ZNF18: variants seen among roughly 807,000 people sequenced by gnomAD.
The protein encoded by ZNF18 is zinc finger protein 18.
In ZNF18, 42 loss-of-function variants were observed where a neutral mutation model predicts 58.1. That is an observed-to-expected ratio of 0.72 (90% CI 0.56 to 0.93). The LOEUF is 0.93. ZNF18 is among the 40% of genes least tolerant of loss of function. ZNF18 has a pLI of 0.00. For synonymous variants in ZNF18, 231 were observed against 239.8 expected (o/e 0.96, Z 0.34); for missense variants, 540 against 644.2 (o/e 0.84, Z 1.75).
chr17:12,000,746 TC>T, upstream of ZNF18, among the ~76,000 whole-genome samples: 1 of 152,096 alleles, frequency 6.6e-6, no homozygotes, highest in South Asian at 2.1e-4. Context: ...GAAAGAATCA[TC>T]AACTAATCAA....
At chr17:11,998,172 C>A (rs1044709046), upstream of ZNF18, among the ~76,000 whole-genome samples, 1 of 152,200 alleles carries the variant, frequency 6.6e-6, no homozygotes, top group Non-Finnish European at 1.5e-5. Flanking sequence ...AGACACCTCA[C>A]CCTCTCTCCC....
chr17:11,979,691 T>A (rs1567597864), intron 6 of ZNF18, among the ~76,000 whole-genome samples: 2 of 152,194 alleles, frequency 1.3e-5, no homozygotes, highest in Non-Finnish European at 2.9e-5. Flanking sequence ...ATTAGTGTCT[T>A]TTCAATTGTC....
At chr17:11,980,632 T>C (rs1208790507) in intron 6 of ZNF18, among the ~76,000 whole-genome samples, 3 of 152,094 alleles carry the variant, frequency 2.0e-5, no homozygotes, top group Non-Finnish European at 2.9e-5. Context: ...TTAGCCAGGC[T>C]GGTCTCGAAC....
Position 11,992,517 on chromosome 17 carries a change from A to C in ZNF18, c.313T>G (p.Cys105Gly). ...ACTGCCTCTTCTCCACTTCCTGGAC[A>C]CTGTTTCCGCACCCACATCTGGATC... ...GEIQMWVRKQ[C>G]PGSGEEAVTL... The change falls in exon 2 of 7, where the codon TGT becomes GGT. Residue 105 changes from cysteine (C) to glycine (G), a missense_variant. By Grantham distance (159) the Cys-to-Gly change is radical. Coordinates refer to ENST00000580306, the MANE Select transcript of ZNF18 (RefSeq NM_001303281.2). The C allele has an allele frequency of 6.2e-7, 1 of 1,614,130 alleles. No homozygotes were observed. Among genetic ancestry groups the C allele is most frequent in the Non-Finnish European group, 8.5e-7 (1 of 1,180,018 alleles).
At chr17:11,982,532 G>C (rs536843877) in intron 6 of ZNF18, among the ~76,000 whole-genome samples, 3 of 152,238 alleles carry the variant, frequency 2.0e-5, no homozygotes, top group South Asian at 4.2e-4. Flanking sequence ...TGCTCTCTCT[G>C]TGGTATATTA....
chr17:12,014,513 G>C, the ZNF18 span, among the ~76,000 whole-genome samples: 1 of 152,162 alleles, frequency 6.6e-6, no homozygotes, highest in Non-Finnish European at 1.5e-5. Flanking sequence ...AAGCATTATG[G>C]TAAGTGAAAG....
At chr17:12,000,982 T>C (rs762274172), upstream of ZNF18, among the ~76,000 whole-genome samples, 3 of 152,012 alleles carry the variant, frequency 2.0e-5, no homozygotes, top group Non-Finnish European at 4.4e-5. Flanking sequence ...AATTAGGAGA[T>C]CTTACAGCAT....
chr17:11,999,377 T>A (rs1968619011), upstream of ZNF18, among the ~76,000 whole-genome samples: 1 of 152,232 alleles, frequency 6.6e-6, no homozygotes. Context: ...AACCTCAGTT[T>A]GAGAACTCTA....
In ZNF18 at chr17:11,984,150, A is replaced by T. The variant is rs147883752; in HGVS notation, c.714T>A (p.Asp238Glu). 7.4e-6 allele frequency: 12 copies of T among 1,612,908 alleles called. No individual in the cohort carries two copies. Among genetic ancestry groups the T allele is most frequent in the African/African-American group, 2.7e-5 (2 of 74,660 alleles). ...LDSTQKEQYWDLMLETYGKMV... is the reference protein window; with the variant it reads ...LDSTQKEQYWELMLETYGKMV... ...TTTTCCCATAGGTCTCCAGCATGAG[A>T]TCCCAGTATTGCTCCTTTTGAGTGG... Residue 238 changes from aspartate (D) to glutamate (E), a missense_variant, in exon 5 of 7, where the codon GAT (aspartate) becomes GAA (glutamate). Asp to Glu is a conservative substitution (Grantham distance 45, BLOSUM62 2). Coordinates refer to ENST00000580306, the MANE Select transcript of ZNF18 (RefSeq NM_001303281.2).
chr17:12,010,934 T>G, the ZNF18 span: 1 of 615,650 alleles, frequency 1.6e-6, no homozygotes. Flanking sequence ...CTTCACGTGC[T>G]TAACATGCCC....
At chr17:12,021,438 A>T in the ZNF18 span, 1 of 151,664 alleles carries the variant, frequency 6.6e-6, no homozygotes, top group Non-Finnish European at 1.5e-5. Flanking sequence ...GGCGGCGAAG[A>T]CAGCGGCCCC....
rs1567607201 is a variant in ZNF18, at chr17:11,992,433, C to T, written c.387+10G>A. 6.2e-7 allele frequency: 1 copy of T among 1,611,360 alleles called. No homozygotes were observed. The highest frequency in any genetic ancestry group is 1.1e-5 in the South Asian group (1 of 90,814). ...TGTTTCACTCGCAGATCATAATACC[C>T]TCTGCTTACCCATTGCCACAGTCTC... On this transcript the variant is annotated intron_variant, in intron 2 of 6. Transcript: ENST00000580306.
intron 1 of ZNF18, 90 bp downstream of exon 1, chr17:11,997,341 G>A (rs1357836061): frequency 1.3e-5 from 2 of 152,356 alleles, no homozygotes; most frequent in Non-Finnish European, 1.5e-5. Context: ...GTAGCTCCGG[G>A]GTGCCCAGCT....
intron 4 of ZNF18, among the ~76,000 whole-genome samples, chr17:11,985,686 C>T (rs1438215567): frequency 1.3e-5 from 2 of 152,160 alleles, no homozygotes; most frequent in Non-Finnish European, 2.9e-5. Flanking sequence ...TCCCAGTTCC[C>T]AAGACCCTGT....
At chr17:12,016,744 G>A in the ZNF18 span, among the ~76,000 whole-genome samples, 1 of 151,956 alleles carries the variant, frequency 6.6e-6, no homozygotes, top group Non-Finnish European at 1.5e-5. Flanking sequence ...GTTTGTATTT[G>A]GTCAGACCAT....
Position 11,992,649 on chromosome 17 carries a change from G to A in ZNF18, c.181C>T (p.Gln61Ter). ...VMSGPHETLK[Q>*]LRKLCFQWLQ... is the part of the protein sequence containing the mutation. ...CACTGGAAACAGAGCTTCCGAAGTT[G>A]CTTCAAGGTCTCATGAGGCCCAGAC... is the stretch of plus-strand genomic sequence containing the variant. The change falls in exon 2 of 7, where the codon CAA becomes TAA. Residue 61 changes from glutamine (Q) to a stop codon, truncating the protein, a stop_gained. Coordinates refer to ENST00000580306, the MANE Select transcript of ZNF18 (RefSeq NM_001303281.2). LOFTEE classifies it high-confidence loss of function. The A allele has an allele frequency of 6.2e-7, 1 of 1,614,236 alleles. No individual in the cohort carries two copies. The highest frequency in any genetic ancestry group is 8.5e-7 in the Non-Finnish European group (1 of 1,180,038).
chr17:12,006,428 C>A, the ZNF18 span, among the ~76,000 whole-genome samples: 2 of 152,144 alleles, frequency 1.3e-5, no homozygotes, highest in Non-Finnish European at 1.5e-5. Flanking sequence ...ATGCTTAGGA[C>A]TGTTAAGAGA....
the ZNF18 span, chr17:12,011,124 T>C: frequency 1.6e-6 from 1 of 644,370 alleles, no homozygotes; most frequent in African/African-American, 1.8e-5. Flanking sequence ...ACCTTTCTTC[T>C]AGATTCGCCT....
rs1205959256 is a variant in ZNF18, at chr17:11,992,465, TC to T, written c.364del (p.Asp122ThrfsTer14). On this transcript the variant is annotated frameshift_variant, in exon 2 of 7. Transcript: ENST00000580306. LOFTEE classifies it high-confidence loss of function. ...TACCCATTGCCACAGTCTCTGGGGG[TC>T]CCCCTTCAAGCTTTCCACAAGGGTC... ...AVTLVESLKGDPQRLWQWISI... is the reference protein window; with the variant it reads ...AVTLVESLKGXPQRLWQWISI... 1 of 1,613,736 alleles carries T rather than the reference TC, an allele frequency of 6.2e-7. No individual in the cohort carries two copies. The highest frequency in any genetic ancestry group is 8.5e-7 in the Non-Finnish European group (1 of 1,179,858).
Sources: gnomAD v4.1 joint callset for allele counts (sites outside exome capture counted in the v4.1 genomes callset) on GRCh38, gnomAD v4.1.1 for gene constraint, MANE v1.5 for transcripts, NCBI Gene and HGNC (gene_info 2026-07-23, HGNC 2026-07-21) for gene names.